Variants in ARNT2 observed in about 807,000 individuals in gnomAD.
The protein encoded by ARNT2 is ARNT protein 2.
Under a neutral mutation model 91.7 loss-of-function variants are expected in ARNT2, and 36 were observed. The ratio of observed to expected loss-of-function variants is 0.39; its 90% CI spans 0.30 to 0.52. ARNT2 has a LOEUF of 0.52. Ranked by LOEUF, ARNT2 falls within the 20% of genes least tolerant of loss-of-function variation. ARNT2 has a pLI of 0.72. For synonymous variants in ARNT2, 365 were observed against 347.1 expected (o/e 1.05, Z -0.57); for missense variants, 775 against 939.3 (o/e 0.83, Z 2.29).
intron 1 of ARNT2, among the ~76,000 whole-genome samples, chr15:80,426,224 A>G (rs984178713): frequency 5.9e-5 from 9 of 152,250 alleles, no homozygotes; most frequent in Admixed American, 1.3e-4. Flanking sequence ...TATTGGATGC[A>G]TGGATACAAG....
chr15:80,544,426 G>A (rs1277807528), intron 8 of ARNT2, among the ~76,000 whole-genome samples: 1 of 152,076 alleles, frequency 6.6e-6, no homozygotes, highest in Non-Finnish European at 1.5e-5. Flanking sequence ...GATATCTAGT[G>A]TCTTCTAAAC....
intron 5 of ARNT2, among the ~76,000 whole-genome samples, chr15:80,484,566 A>G (rs528253809): frequency 6.6e-6 from 1 of 152,368 alleles, no homozygotes; most frequent in East Asian, 1.9e-4. Context: ...GCTTCGCTAC[A>G]TGCATAGCAT....
intron 17 of ARNT2, among the ~76,000 whole-genome samples, chr15:80,581,912 C>T (rs1898804927): frequency 6.6e-6 from 1 of 152,214 alleles, no homozygotes; most frequent in South Asian, 2.1e-4. Context: ...GGGCCTTGCC[C>T]ACTCTCCGTG....
At chr15:80,535,284 A>G (rs1390664839) in intron 8 of ARNT2, among the ~76,000 whole-genome samples, 4 of 152,162 alleles carry the variant, frequency 2.6e-5, no homozygotes, top group Admixed American at 2.6e-4. Flanking sequence ...TGTTTTTGCA[A>G]TCGTTATGTC....
chr15:80,413,448 G>T (rs1385673186), intron 1 of ARNT2, among the ~76,000 whole-genome samples: 1 of 152,358 alleles, frequency 6.6e-6, no homozygotes, highest in Admixed American at 6.5e-5. Context: ...GTGATTTCTG[G>T]TCCTGCCTGC....
intron 11 of ARNT2, 72 bp downstream of exon 11, chr15:80,555,211 T>C (rs1454979243): frequency 4.0e-6 from 6 of 1,501,398 alleles, no homozygotes. Context: ...GGCAGGACAT[T>C]AGTCCTACTA....
At chr15:80,507,940 C>T (rs192924183) in intron 5 of ARNT2, among the ~76,000 whole-genome samples, 4 of 152,228 alleles carry the variant, frequency 2.6e-5, no homozygotes, top group East Asian at 1.9e-4. Flanking sequence ...CAAGTGTAGA[C>T]GGCTCTGAAG....
chr15:80,567,294 C>T (rs899943243), intron 12 of ARNT2, among the ~76,000 whole-genome samples: 1 of 135,134 alleles, frequency 7.4e-6, no homozygotes, highest in African/African-American at 3.7e-5. Context: ...CCTGGATCTG[C>T]TTAGCATCTG....
chr15:80,452,034 A>G (rs1047548849), intron 2 of ARNT2, among the ~76,000 whole-genome samples: 1 of 152,234 alleles, frequency 6.6e-6, no homozygotes, highest in Non-Finnish European at 1.5e-5. Context: ...TAGGTGGTCC[A>G]ATATGATTCT....
intron 12 of ARNT2, among the ~76,000 whole-genome samples, chr15:80,564,527 AT>A (rs34881457): frequency 0.41 from 61,936 of 150,334 alleles, 13,248 homozygotes; most frequent in Non-Finnish European, 0.48. Flanking sequence ...AATGACCTGG[AT>A]TTTTTTTTTT....
chr15:80,444,135 G>A (rs776567852), intron 1 of ARNT2, among the ~76,000 whole-genome samples: 22 of 152,244 alleles, frequency 1.4e-4, no homozygotes, highest in Non-Finnish European at 2.8e-4. Flanking sequence ...CTTGCCAGGC[G>A]CTGCTTGAGC....
chr15:80,514,435 G>T (rs144175460), intron 8 of ARNT2, 30 bp downstream of exon 8: 1 of 1,599,172 alleles, frequency 6.3e-7, no homozygotes, highest in African/African-American at 1.3e-5. Context: ...AATTCCACGG[G>T]AACTGGGTGC....
chr15:80,457,809 A>G, intron 2 of ARNT2, 120 bp from the exon 3 acceptor site: 4 of 1,055,778 alleles, frequency 3.8e-6, no homozygotes, highest in African/African-American at 3.2e-5. Flanking sequence ...GCACTGCCAA[A>G]GGTTGGGATC....
intron 5 of ARNT2, among the ~76,000 whole-genome samples, chr15:80,502,877 G>A (rs780742320): frequency 2.6e-5 from 4 of 152,166 alleles, no homozygotes; most frequent in Non-Finnish European, 5.9e-5. Flanking sequence ...AGGGTGGCCG[G>A]TTGTTTAGGC....
At chr15:80,437,922 TACACACACACACACAC>T (rs58142108) in intron 1 of ARNT2, among the ~76,000 whole-genome samples, 1 of 141,562 alleles carries the variant, frequency 7.1e-6, no homozygotes, top group Admixed American at 7.1e-5. Flanking sequence ...TGTATTTACC[TACACACACACACACAC>T]ACACACACAC....
At chr15:80,419,115 A>AGG (rs1270827488) in intron 1 of ARNT2, among the ~76,000 whole-genome samples, 26 of 152,118 alleles carry the variant, frequency 1.7e-4, no homozygotes, top group African/African-American at 6.0e-4. Context: ...GTGGTCAAAT[A>AGG]GGTACCTCAG....
At chr15:80,509,441 CA>C (rs1371076117) in intron 6 of ARNT2, among the ~76,000 whole-genome samples, 4 of 147,694 alleles carry the variant, frequency 2.7e-5, no homozygotes, top group Admixed American at 6.7e-5. Context: ...ATCTCTGTCT[CA>C]AAAAAAAAGA....
At chr15:80,509,881 C>A (rs1897318923) in intron 6 of ARNT2, among the ~76,000 whole-genome samples, 1 of 152,122 alleles carries the variant, frequency 6.6e-6, no homozygotes, top group Non-Finnish European at 1.5e-5. Context: ...GAGGAATGGG[C>A]AGAGATGTGG....
intron 8 of ARNT2, among the ~76,000 whole-genome samples, chr15:80,522,322 A>G (rs906839622): frequency 6.6e-5 from 10 of 152,210 alleles, no homozygotes; most frequent in East Asian, 5.8e-4. Flanking sequence ...CAGCTAGTGC[A>G]TACATAATGG....
Sources: gnomAD v4.1 joint callset for allele counts (sites outside exome capture counted in the v4.1 genomes callset) on GRCh38, gnomAD v4.1.1 for gene constraint, MANE v1.5 for transcripts, NCBI Gene and HGNC (gene_info 2026-07-23, HGNC 2026-07-21) for gene names.